The following ZNF519 variants were observed in gnomAD, a reference collection of about 807,000 sequenced individuals.
ZNF519 encodes the protein similar to Zinc finger protein 85 (Zinc finger protein HPF4) (HTF1).
In ZNF519, 7 loss-of-function variants were observed where a neutral mutation model predicts 7.4. The ratio of observed to expected loss-of-function variants is 0.94; its 90% CI spans 0.54 to 1.77. ZNF519 has a LOEUF of 1.77. Among genes scored for constraint, ZNF519 ranks in the 40% most tolerant of loss-of-function variants. The probability of loss-of-function intolerance (pLI) is 0.00; values close to 1 mark genes in which losing one functional copy is unlikely to be tolerated. For synonymous variants in ZNF519, 179 were observed against 203.3 expected, an observed-to-expected ratio of 0.88 and a Z score of 1.02; for missense variants, 586 against 623.1, an observed-to-expected ratio of 0.94 and a Z score of 0.63.
At chr18:14,081,798 G>C in intron 3 of ZNF519, among the ~76,000 whole-genome samples, 1 of 152,088 alleles carries the variant, frequency 6.6e-6, no homozygotes. Context: ...AGAGAAAATC[G>C]AATTAATCCT....
intron 2 of ZNF519, among the ~76,000 whole-genome samples, chr18:14,120,122 G>A (rs1187700327): frequency 6.6e-6 from 1 of 151,804 alleles, no homozygotes; most frequent in Non-Finnish European, 1.5e-5. Flanking sequence ...CAAAGCTGGG[G>A]GCATCATACT....
In ZNF519 at chr18:14,102,575, A is replaced by G. The variant is rs1259779167; in HGVS notation, c.*2342T>C. 1.3e-5 allele frequency: 2 copies of G among 152,236 alleles called. No homozygotes were observed. The highest frequency in any genetic ancestry group is 3.8e-4 in the East Asian group (2 of 5,202). The allele number at this position is 152,236 out of a possible 1,614,324, so 9.4% of individuals were successfully genotyped here. A position where few individuals can be genotyped will look rare whatever the true frequency, so the allele number is the denominator to read the frequency against. Reference sequence around the variant, plus strand: ...ACATTTACAAGTCACATTTATGAATATATCTCTTATTTAGAGAATTACAAT... The same window carrying G: ...ACATTTACAAGTCACATTTATGAATGTATCTCTTATTTAGAGAATTACAAT... On this transcript the variant is annotated 3_prime_UTR_variant, in exon 3 of 3. Coordinates refer to ENST00000590202, the MANE Select transcript of ZNF519 (RefSeq NM_145287.4).
At chr18:14,084,482 A>C (rs921103387) in intron 3 of ZNF519, 1 of 152,230 alleles carries the variant, frequency 6.6e-6, no homozygotes, top group Non-Finnish European at 1.5e-5. Flanking sequence ...AACACCCTCC[A>C]GCTGAATGAA....
Position 14,106,186 on chromosome 18 carries a change from G to A in ZNF519, c.354C>T (p.Asp118=). ...SHNKHLTVKG[D]KEYRIFQKKP... ...TCTTCTGAAATATTCTATATTCTTT[G>A]TCTCCTTTCACAGTTAAATGTTTGT... The change falls in exon 3 of 3, where the codon GAC becomes GAT. Residue 118 remains aspartate, a synonymous_variant. Transcript: ENST00000590202. 6.2e-7 allele frequency: 1 copy of A among 1,612,522 alleles called. No homozygotes were observed. Among genetic ancestry groups the A allele is most frequent in the Non-Finnish European group, 8.5e-7 (1 of 1,179,604 alleles).
intron 2 of ZNF519, among the ~76,000 whole-genome samples, chr18:14,116,165 T>C (rs941609335): frequency 6.6e-6 from 1 of 152,090 alleles, no homozygotes; most frequent in African/African-American, 2.4e-5. Flanking sequence ...AATTGAAAAA[T>C]CTGTGAAACT....
intron 2 of ZNF519, among the ~76,000 whole-genome samples, chr18:14,115,886 C>T (rs1202774018): frequency 6.6e-6 from 1 of 152,120 alleles, no homozygotes; most frequent in Non-Finnish European, 1.5e-5. Flanking sequence ...TGAACTGTGT[C>T]AGGGGCTAAG....
At chr18:14,111,169 TA>T (rs34240654) in intron 2 of ZNF519, among the ~76,000 whole-genome samples, 3,196 of 90,802 alleles carry the variant, frequency 0.035, 116 homozygotes, top group African/African-American at 0.12. Context: ...AGTTGTTTTC[TA>T]AAAAAAAAAA....
At chr18:14,130,229 G>T (rs1598525402) in intron 1 of ZNF519, among the ~76,000 whole-genome samples, 1 of 147,890 alleles carries the variant, frequency 6.8e-6, no homozygotes, top group Admixed American at 6.7e-5. Flanking sequence ...TCAGATCCCT[G>T]AACTTTGACC....
downstream of ZNF519, chr18:14,075,617 T>C (rs188907062): frequency 4.6e-5 from 7 of 152,338 alleles, no homozygotes; most frequent in Non-Finnish European, 7.3e-5. Flanking sequence ...ATCAGATCTG[T>C]AGACCTTAAT....
intron 2 of ZNF519, among the ~76,000 whole-genome samples, chr18:14,091,417 GTA>G (rs2046113811): frequency 6.6e-6 from 1 of 152,128 alleles, no homozygotes; most frequent in African/African-American, 2.4e-5. Flanking sequence ...TCCACAATGA[GTA>G]TCTTTAGTCA....
chr18:14,125,452 C>A (rs1328118117), intron 1 of ZNF519, among the ~76,000 whole-genome samples: 2 of 152,162 alleles, frequency 1.3e-5, no homozygotes, highest in Non-Finnish European at 2.9e-5. Flanking sequence ...TCCCACACTT[C>A]CCAGGATTTA....
At chr18:14,129,889 C>T (rs1204504614) in intron 1 of ZNF519, among the ~76,000 whole-genome samples, 1 of 152,148 alleles carries the variant, frequency 6.6e-6, no homozygotes, top group Non-Finnish European at 1.5e-5. Flanking sequence ...ACTGTACTTA[C>T]ATATACCAGT....
chr18:14,080,978 T>C (rs140075180), intron 3 of ZNF519, among the ~76,000 whole-genome samples: 6 of 152,318 alleles, frequency 3.9e-5, no homozygotes, highest in East Asian at 1.9e-4. Context: ...AGTAAAACTA[T>C]AGAGACAGTG....
chr18:14,105,755 T>C lies in ZNF519; in HGVS notation c.785A>G (p.Glu262Gly). 1 of 1,613,876 alleles carries C rather than the reference T, an allele frequency of 6.2e-7. No homozygotes were observed. The highest frequency in any genetic ancestry group is 8.5e-7 in the Non-Finnish European group (1 of 1,179,954). The change falls in exon 3 of 3, where the codon GAA becomes GGA. Residue 262 changes from glutamate (E) to glycine (G), a missense_variant. Coordinates refer to ENST00000590202, the MANE Select transcript of ZNF519 (RefSeq NM_145287.4). Reference sequence around the variant, plus strand: ...ACGTTCTTTATATTTCACTGATTTTTCTCCAGTGTTAATTATCTTATGTCC... The same window carrying C: ...ACGTTCTTTATATTTCACTGATTTTCCTCCAGTGTTAATTATCTTATGTCC... ...LKGHKIINTG[E>G]KSVKYKERGK...
intron 2 of ZNF519, among the ~76,000 whole-genome samples, chr18:14,114,908 T>C (rs181568565): frequency 4.6e-5 from 7 of 152,198 alleles, no homozygotes; most frequent in Admixed American, 4.6e-4. Context: ...ATGTAACCCA[T>C]AGATATATAT....
rs564388177 is a variant in ZNF519 at position 14,100,155 on chromosome 18, A to G, written c.*4762T>C. On this transcript the variant is annotated 3_prime_UTR_variant, in exon 3 of 3. Transcript: ENST00000590202. Reference sequence around the variant, plus strand: ...GAAAAATGTACATTAAAACAATGTGATATCAATACATATCAGTCAGTATGG... The same window carrying G: ...GAAAAATGTACATTAAAACAATGTGGTATCAATACATATCAGTCAGTATGG... 2 of 152,306 alleles carry G rather than the reference A, an allele frequency of 1.3e-5. No homozygotes were observed. The highest frequency in any genetic ancestry group is 2.1e-4 in the South Asian group (1 of 4,824). 9.4% of individuals were successfully genotyped at this position (152,306 alleles called of 1,614,324 possible).
chr18:14,101,617 A>C lies in ZNF519; in HGVS notation c.*3300T>G, dbSNP rs1328574819. The C allele has an allele frequency of 1.3e-5, 5 of 398,454 alleles. No homozygotes were observed. The highest frequency in any genetic ancestry group is 8.2e-5 in the African/African-American group (4 of 48,606). The allele number at this position is 398,454 out of a possible 1,614,324, so 24.7% of individuals were successfully genotyped here. ...GTCATCAAGGTGGAGTCCTGGCAGA[A>C]GGCCTTCTCAGCCATGTCTGGGCCC... On this transcript the variant is annotated 3_prime_UTR_variant, in exon 3 of 3. Transcript: ENST00000590202.
chr18:14,103,764 C>T lies in ZNF519; in HGVS notation c.*1153G>A, dbSNP rs1315540869. On this transcript the variant is annotated 3_prime_UTR_variant, in exon 3 of 3. Transcript: ENST00000590202. ...AAAGACAGCATGAACTAGACATACC[C>T]GATAGTATATCATTACCATTTACTA... The T allele has an allele frequency of 3.3e-5, 5 of 151,912 alleles. No homozygotes were observed. Among genetic ancestry groups the T allele is most frequent in the African/African-American group, 4.8e-5 (2 of 41,348 alleles). 9.4% of individuals were successfully genotyped at this position (151,912 alleles called of 1,614,324 possible). A position where few individuals can be genotyped will look rare whatever the true frequency, so the allele number is the denominator to read the frequency against.
intron 2 of ZNF519, among the ~76,000 whole-genome samples, chr18:14,085,427 T>G (rs2046086594): frequency 1.3e-5 from 2 of 151,990 alleles, no homozygotes; most frequent in Non-Finnish European, 2.9e-5. Context: ...AAAAAATTTT[T>G]GGAAAAAATC....
Sources: gnomAD v4.1 joint callset for allele counts (sites outside exome capture counted in the v4.1 genomes callset) on GRCh38, gnomAD v4.1.1 for gene constraint, MANE v1.5 for transcripts, NCBI Gene and HGNC (gene_info 2026-07-23, HGNC 2026-07-21) for gene names.